Variants in NISCH observed in about 807,000 individuals in gnomAD.
NISCH encodes the protein I-1 receptor candidate protein.
A neutral mutation model predicts 138.4 loss-of-function variants in NISCH; 55 were observed. That is an observed-to-expected ratio of 0.40 (90% CI 0.32 to 0.50). The LOEUF is 0.50. Ranked by LOEUF, NISCH falls within the 20% of genes least tolerant of loss-of-function variation. The pLI is 0.71. For synonymous variants in NISCH, 860 were observed against 861.5 expected (o/e 1.00, Z 0.03); for missense variants, 1,643 against 2,005.5 (o/e 0.82, Z 3.45).
chr3:52,458,231 G>C (rs533245686), intron 2 of NISCH, among the ~76,000 whole-genome samples: 2 of 152,326 alleles, frequency 1.3e-5, no homozygotes, highest in East Asian at 3.9e-4. Flanking sequence ...GTTTGATCTA[G>C]CGATAGCTAT....
intron 1 of NISCH, among the ~76,000 whole-genome samples, chr3:52,456,375 A>G (rs34261027): frequency 0.73 from 110,589 of 152,038 alleles, 42,699 homozygotes; most frequent in East Asian, 0.97. Context: ...AGCCTTAGGA[A>G]TCTTCGTGAC....
intron 3 of NISCH, among the ~76,000 whole-genome samples, chr3:52,460,981 G>A (rs1706615637): frequency 1.3e-5 from 2 of 152,226 alleles, no homozygotes; most frequent in African/African-American, 2.4e-5. Context: ...GCTCACGCCT[G>A]TAATCCCAGC....
At chr3:52,491,313 G>A in intron 19 of NISCH, 39 bp from the exon 20 acceptor site, 3 of 1,583,774 alleles carry the variant, frequency 1.9e-6, no homozygotes, top group Non-Finnish European at 2.6e-6. Flanking sequence ...GGGCTGGGGA[G>A]CGCCGGCCTG....
intron 13 of NISCH, 132 bp downstream of exon 13, chr3:52,480,427 C>T: frequency 6.5e-7 from 1 of 1,547,760 alleles, no homozygotes; most frequent in Non-Finnish European, 8.7e-7. Context: ...GCAGTGCCTT[C>T]TGCAGGCTGG....
Position 52,490,138 on chromosome 3 carries a change from C to T in NISCH, c.3520C>T (p.Leu1174=). 1 of 1,613,610 alleles carries T rather than the reference C, an allele frequency of 6.2e-7. No individual in the cohort carries two copies. Among genetic ancestry groups the T allele is most frequent in the Non-Finnish European group, 8.5e-7 (1 of 1,180,026 alleles). ...SSVVFYQTPG[L]EVTACVLLST... ...GGTGGTGTTCTACCAGACCCCAGGG[C>T]TGGAGGTGACTGCCTGCGTGCTGCT... Residue 1174 remains leucine (L), a synonymous_variant, in exon 18 of 21, where the codon CTG becomes TTG. Coordinates refer to ENST00000345716, the MANE Select transcript of NISCH (RefSeq NM_007184.4).
chr3:52,485,817 G>C lies in NISCH; in HGVS notation c.1693G>C (p.Gly565Arg). The stretch of plus-strand genomic sequence containing the variant: ...TTTAAGGGACGTGCCAGGAGCTGTT[G>C]GTGGTGCAAGGTAAGGAAGAGGTTG... ...DDLRDVPGAV[G>R]GASPEHAEPE... is the part of the protein sequence containing the mutation. The change falls in exon 15 of 21, where the codon GGT (glycine) becomes CGT (arginine). Residue 565 changes from glycine to arginine, a missense_variant. Physicochemically the swap from Gly to Arg is moderately radical, Grantham distance 125. Transcript: ENST00000345716. 1.3e-6 allele frequency: 2 copies of C among 1,578,786 alleles called. No individual in the cohort carries two copies. Among genetic ancestry groups the C allele is most frequent in the Non-Finnish European group, 1.7e-6 (2 of 1,160,778 alleles).
At chr3:52,484,462 T>TTGGCCCCCC in intron 13 of NISCH, 51 bp from the exon 14 acceptor site, 111 of 788,656 alleles carry the variant, frequency 1.4e-4, no homozygotes, top group Non-Finnish European at 1.7e-4. Context: ...ACAGCCGCTC[T>TTGGCCCCCC]CCCCGCCCCA....
At chr3:52,467,070 G>A (rs543796323) in intron 3 of NISCH, among the ~76,000 whole-genome samples, 8 of 141,466 alleles carry the variant, frequency 5.7e-5, no homozygotes, top group South Asian at 2.2e-4. Context: ...ATGCAATCTC[G>A]GCTCACTGCA....
intron 3 of NISCH, chr3:52,470,514 C>A: frequency 3.3e-6 from 1 of 300,092 alleles, no homozygotes; most frequent in East Asian, 6.3e-5. Flanking sequence ...CTAGGAACAC[C>A]CAGAGCCAGT....
intron 13 of NISCH, chr3:52,481,719 C>T (rs1707280240): frequency 1.0e-6 from 1 of 985,424 alleles, no homozygotes; most frequent in Admixed American, 6.1e-5. Flanking sequence ...GCACCATGTC[C>T]CCAGGCTGCA....
In NISCH at chr3:52,488,359, C is replaced by T; in HGVS notation, c.2867C>T (p.Thr956Ile). 1 of 1,613,718 alleles carries T rather than the reference C, an allele frequency of 6.2e-7. No homozygotes were observed. Among genetic ancestry groups the T allele is most frequent in the Non-Finnish European group, 8.5e-7 (1 of 1,180,010 alleles). The change falls in exon 16 of 21, where the codon ACA becomes ATA. Residue 956 changes from threonine to isoleucine, a missense_variant. Coordinates refer to ENST00000345716, the MANE Select transcript of NISCH (RefSeq NM_007184.4). The stretch of plus-strand genomic sequence containing the variant: ...CTCTCCACCGTGCTGCTGGACCCCA[C>T]ACGCAGCTGTACCCAGCCTCGGGGC... ...VPLSTVLLDP[T>I]RSCTQPRGAF...
chr3:52,477,683 A>G (rs750974698), intron 9 of NISCH, 41 bp downstream of exon 9: 1 of 1,529,318 alleles, frequency 6.5e-7, no homozygotes, highest in Non-Finnish European at 9.1e-7. Flanking sequence ...ACACACTCCC[A>G]AGGCCCCGCC....
intron 4 of NISCH, 75 bp downstream of exon 4, chr3:52,470,982 G>A (rs1322251467): frequency 6.6e-7 from 1 of 1,510,330 alleles, no homozygotes; most frequent in East Asian, 2.3e-5. Context: ...GCACAGGATG[G>A]CATAGAAGTC....
chr3:52,463,081 AAAGG>A lies in NISCH; in HGVS notation c.360+4240_360+4243del, dbSNP rs572781544. ...ATTCCAGAACATTTCATCAGCCCAA[AAAGG>A]AACCTGTACCTGTTAGCAGGAGCTT... is the stretch of plus-strand genomic sequence containing the variant. On this transcript the variant is annotated intron_variant, in intron 3 of 20. Transcript: ENST00000345716. Among the ~76,000 whole-genome samples, 976 of 152,330 alleles carry A rather than the reference AAAGG, an allele frequency of 6.4e-3. 5 individuals carry two copies. The highest frequency in any genetic ancestry group is 0.02 in the Middle Eastern group (6 of 294).
Position 52,476,488 on chromosome 3 carries a change from G to A in NISCH, c.807G>A (p.Glu269=). The change falls in exon 8 of 21, where the codon GAG becomes GAA. Residue 269 remains glutamate, a synonymous_variant. Transcript: ENST00000345716. ...VPEASEFDEW[E]PEGTTLEGPV... is the part of the protein sequence containing the mutation. ...AAGCCTCAGAATTTGATGAGTGGGA[G>A]CCTGAAGGCACAACCCTAGAAGGCC... 1.2e-6 allele frequency: 2 copies of A among 1,614,094 alleles called. No homozygotes were observed. The highest frequency in any genetic ancestry group is 1.3e-5 in the African/African-American group (1 of 75,014).
chr3:52,457,499 G>A (rs542325627), intron 1 of NISCH, among the ~76,000 whole-genome samples: 1 of 152,354 alleles, frequency 6.6e-6, no homozygotes, highest in African/African-American at 2.4e-5. Flanking sequence ...TGGGTTTTGA[G>A]TTACCTAGAG....
chr3:52,485,729 G>A (rs200974109), intron 14 of NISCH, 49 bp from the exon 15 acceptor site: 4 of 1,550,874 alleles, frequency 2.6e-6, no homozygotes, highest in East Asian at 2.4e-5. Context: ...GTAAATGGCT[G>A]GGGCTGGCTG....
intron 3 of NISCH, among the ~76,000 whole-genome samples, chr3:52,466,611 T>C (rs973063215): frequency 6.6e-6 from 1 of 151,190 alleles, no homozygotes; most frequent in South Asian, 2.1e-4. Context: ...GCTCTTAGCA[T>C]GTGTGTCTCA....
intron 3 of NISCH, among the ~76,000 whole-genome samples, chr3:52,468,721 C>T (rs1346497568): frequency 1.3e-5 from 2 of 152,094 alleles, no homozygotes; most frequent in South Asian, 2.1e-4. Context: ...GCTCTGTGTG[C>T]TCATTTTGCT....
Sources: gnomAD v4.1 joint callset for allele counts (sites outside exome capture counted in the v4.1 genomes callset) on GRCh38, gnomAD v4.1.1 for gene constraint, MANE v1.5 for transcripts, NCBI Gene and HGNC (gene_info 2026-07-23, HGNC 2026-07-21) for gene names.